The following ZNF45 variants were observed in gnomAD, a reference collection of about 807,000 sequenced individuals.
The protein encoded by ZNF45 is zinc finger protein 45.
Under a neutral mutation model 12.0 loss-of-function variants are expected in ZNF45, and 4 were observed. The ratio of observed to expected loss-of-function variants is 0.33; its 90% CI spans 0.16 to 0.76. The LOEUF (loss-of-function observed/expected upper bound fraction) is 0.76. Ranked by LOEUF, ZNF45 falls within the 30% of genes least tolerant of loss-of-function variation. The pLI is 0.60. For missense variants in ZNF45, 700 were observed against 813.0 expected (o/e 0.86, Z 1.69); for synonymous variants, 272 against 279.6 (o/e 0.97, Z 0.27).
chr19:43,923,978 A>G (rs1243424120), intron 6 of ZNF45, among the ~76,000 whole-genome samples: 7 of 122,416 alleles, frequency 5.7e-5, no homozygotes, highest in African/African-American at 2.5e-4. Flanking sequence ...AAAAAAATCT[A>G]AAAAAAAAAA....
rs573312668 is a variant in ZNF45, at chr19:43,935,252, G to C, written c.-1084C>G. 1 of 152,276 alleles carries C rather than the reference G, an allele frequency of 6.6e-6. No individual in the cohort carries two copies. Among genetic ancestry groups the C allele is most frequent in the Non-Finnish European group, 1.5e-5 (1 of 68,076 alleles). The allele number at this position is 152,276 out of a possible 1,614,324, so 9.4% of individuals were successfully genotyped here. The stretch of plus-strand genomic sequence containing the variant: ...CACTTCCACGAGAGGAATGAAGGCC[G>C]CGCTCTCAACCTCTTGCCGCGGAAG... On this transcript the variant is annotated 5_prime_UTR_variant, in exon 1 of 10. Transcript: ENST00000269973.
At chr19:43,918,075 C>A (rs535222901) in intron 9 of ZNF45, among the ~76,000 whole-genome samples, 4 of 152,224 alleles carry the variant, frequency 2.6e-5, no homozygotes, top group South Asian at 4.2e-4. Context: ...AAGTAATATT[C>A]TTTTCTGTAA....
At chr19:43,925,269 C>T (rs1042685855) in intron 4 of ZNF45, 56 bp downstream of exon 4, 1 of 152,190 alleles carries the variant, frequency 6.6e-6, no homozygotes, top group Non-Finnish European at 1.5e-5. Context: ...GTTGTTTAAG[C>T]CACCCAGCCT....
At chr19:43,928,230 C>T (rs972324669) in intron 3 of ZNF45, among the ~76,000 whole-genome samples, 7 of 148,272 alleles carry the variant, frequency 4.7e-5, no homozygotes, top group Non-Finnish European at 1.0e-4. Context: ...ATGGATGGAG[C>T]TGGAGGACAT....
intron 7 of ZNF45, among the ~76,000 whole-genome samples, chr19:43,920,820 T>C (rs57491437): frequency 0.031 from 4,686 of 152,078 alleles, 277 homozygotes; most frequent in East Asian, 0.24. Context: ...CAGGCTGGTC[T>C]CGAACTCCTG....
Position 43,926,921 on chromosome 19 carries a change from A to C in ZNF45, c.-399-1463T>G, listed in dbSNP as rs1973725108. On this transcript the variant is annotated intron_variant, in intron 3 of 9. Coordinates refer to ENST00000269973, the MANE Select transcript of ZNF45 (RefSeq NM_003425.4). ...ACAAAATTATCTGCAAGTCAGCAGG[A>C]GAACACTGAAGGACTTCTGGAAAGG... Among the ~76,000 whole-genome samples the C allele has an allele frequency of 3.9e-5, 6 of 152,232 alleles. No individual in the cohort carries two copies. In the South Asian group the frequency reaches 1.2e-3, roughly 32 times the overall value.
At chr19:43,932,364 A>T (rs1268606090) in intron 3 of ZNF45, 1 of 152,158 alleles carries the variant, frequency 6.6e-6, no homozygotes, top group Non-Finnish European at 1.5e-5. Context: ...AAAACCCAAA[A>T]AACTGAACCT....
Position 43,914,039 on chromosome 19 carries a change from T to C in ZNF45, c.1397A>G (p.His466Arg). Residue 466 changes from histidine to arginine, a missense_variant, in exon 10 of 10, where the codon CAC becomes CGC. His to Arg is a conservative substitution (Grantham distance 29). Coordinates refer to ENST00000269973, the MANE Select transcript of ZNF45 (RefSeq NM_003425.4). ...ACATTTGTAGGGTTTCTCTCCAGTG[T>C]GGCCTCTTTGATGGGCCAGAAGATT... ...ASNLLAHQRGHTGEKPYKCGT... is the reference protein window; with the variant it reads ...ASNLLAHQRGRTGEKPYKCGT... The C allele has an allele frequency of 1.9e-6, 3 of 1,614,192 alleles. No homozygotes were observed. The highest frequency in any genetic ancestry group is 2.5e-6 in the Non-Finnish European group (3 of 1,180,026).
intron 9 of ZNF45, among the ~76,000 whole-genome samples, chr19:43,915,690 G>A (rs759717707): frequency 6.6e-5 from 10 of 152,126 alleles, no homozygotes; most frequent in Non-Finnish European, 1.5e-4. Flanking sequence ...CTGCGCGTGC[G>A]AGGGATCTAG....
At chr19:43,918,789 C>T (rs1377769846) in intron 9 of ZNF45, 81 bp downstream of exon 9, 11 of 1,184,868 alleles carry the variant, frequency 9.3e-6, no homozygotes, top group East Asian at 4.7e-5. Context: ...ACTATGCCTT[C>T]GTCACACATT....
At position 43,914,056 on chromosome 19, in the gene ZNF45, CAGA is replaced by C; in HGVS notation, c.1377_1379del (p.Leu460del). 6.2e-7 allele frequency: 1 copy of C among 1,613,924 alleles called. No individual in the cohort carries two copies. The highest frequency in any genetic ancestry group is 8.5e-7 in the Non-Finnish European group (1 of 1,179,934). ...CTCCAGTGTGGCCTCTTTGATGGGC[CAGA>C]AGATTTGAGGCCTGGCTGAAGCCCT... On this transcript the variant is annotated inframe_deletion, in exon 10 of 10. Coordinates refer to ENST00000269973, the MANE Select transcript of ZNF45 (RefSeq NM_003425.4).
chr19:43,925,048 G>C (rs77330900), intron 4 of ZNF45: 1 of 152,268 alleles, frequency 6.6e-6, no homozygotes, highest in Non-Finnish European at 1.5e-5. Flanking sequence ...GGGCCTTTAG[G>C]AGGTAATTAG....
chr19:43,916,069 G>A (rs933018225), intron 9 of ZNF45, among the ~76,000 whole-genome samples: 2 of 151,424 alleles, frequency 1.3e-5, no homozygotes, highest in Middle Eastern at 3.5e-3. Context: ...CACCTGCCTC[G>A]GCCTCCCAAA....
chr19:43,926,079 T>C (rs1343032680), intron 3 of ZNF45, among the ~76,000 whole-genome samples: 1 of 152,244 alleles, frequency 6.6e-6, no homozygotes, highest in Non-Finnish European at 1.5e-5. Flanking sequence ...CCATCTGTCT[T>C]GTGATGAATG....
At position 43,914,906 on chromosome 19, in the gene ZNF45, G is replaced by C. The variant is rs779732547; in HGVS notation, c.530C>G (p.Ser177Cys). 6 of 1,612,532 alleles carry C rather than the reference G, an allele frequency of 3.7e-6. No homozygotes were observed. In the African/African-American group the frequency reaches 8.0e-5, roughly 22 times the overall value. Residue 177 changes from serine (S) to cysteine (C), a missense_variant, in exon 10 of 10, where the codon TCT (serine) becomes TGT (cysteine). Coordinates refer to ENST00000269973, the MANE Select transcript of ZNF45 (RefSeq NM_003425.4). ...AGCCCTTTGGTTAATTTGAAGATGA[G>C]AGCTCCAGCTGAAACTTTTCACACA... is the stretch of plus-strand genomic sequence containing the variant. The part of the protein sequence containing the change: ...EHCVKSFSWS[S>C]HLQINQRAHA...
chr19:43,924,702 A>G (rs1973524445), intron 4 of ZNF45, 141 bp from the exon 5 acceptor site: 1 of 152,252 alleles, frequency 6.6e-6, no homozygotes, highest in African/African-American at 2.4e-5. Context: ...AGTAGAGAAC[A>G]GAGTTGTGAA....
At chr19:43,921,235 T>C (rs140376789) in intron 7 of ZNF45, among the ~76,000 whole-genome samples, 30 of 152,352 alleles carry the variant, frequency 2.0e-4, no homozygotes, top group Non-Finnish European at 4.0e-4. Context: ...CAGTCTTGTT[T>C]CTTTGTAATT....
intron 2 of ZNF45, 53 bp from the exon 3 acceptor site, chr19:43,932,743 C>T (rs1974230181): frequency 1.3e-5 from 2 of 152,192 alleles, no homozygotes; most frequent in African/African-American, 4.8e-5. Context: ...GCAAGTGCAA[C>T]TCCAAAAAAG....
intron 3 of ZNF45, among the ~76,000 whole-genome samples, chr19:43,927,260 T>C (rs1973761201): frequency 6.6e-6 from 1 of 152,252 alleles, no homozygotes; most frequent in South Asian, 2.1e-4. Context: ...ATGTGGAGTT[T>C]CGTTACCTGC....
Sources: gnomAD v4.1 joint callset for allele counts (sites outside exome capture counted in the v4.1 genomes callset) on GRCh38, gnomAD v4.1.1 for gene constraint, MANE v1.5 for transcripts, NCBI Gene and HGNC (gene_info 2026-07-23, HGNC 2026-07-21) for gene names.